GPR158: variants seen among roughly 807,000 people sequenced by gnomAD.
The protein encoded by GPR158 is G protein-coupled receptor 158.
In GPR158, 30 loss-of-function variants were observed where a neutral mutation model predicts 78.2. The observed-to-expected ratio is 0.38, with a 90% CI of 0.29 to 0.52. The LOEUF (loss-of-function observed/expected upper bound fraction) is 0.52, where lower values mean the gene tolerates loss of function less well. GPR158 is among the 20% of genes least tolerant of loss of function. GPR158 has a pLI of 0.83. For synonymous variants in GPR158, 581 were observed against 591.1 expected, an observed-to-expected ratio of 0.98 and a Z score of 0.25; for missense variants, 1,463 against 1,523.5, an observed-to-expected ratio of 0.96 and a Z score of 0.66.
chr10:25,596,845 C>A (rs1401170491), intron 10 of GPR158, 56 bp downstream of exon 10: 1 of 1,521,358 alleles, frequency 6.6e-7, no homozygotes. Context: ...TTTATACAGG[C>A]AGGCGTGTGT....
At chr10:25,256,955 G>A (rs1361753043) in intron 2 of GPR158, among the ~76,000 whole-genome samples, 14 of 152,152 alleles carry the variant, frequency 9.2e-5, no homozygotes, top group African/African-American at 2.9e-4. Context: ...TTCCCTAAAA[G>A]AAAAACATTG....
chr10:25,348,431 A>T (rs1359227354), intron 2 of GPR158, among the ~76,000 whole-genome samples: 3 of 150,998 alleles, frequency 2.0e-5, no homozygotes, highest in African/African-American at 7.3e-5. Context: ...ACACACACAC[A>T]CACACGGAAA....
intron 4 of GPR158, among the ~76,000 whole-genome samples, chr10:25,429,776 T>C (rs1351460931): frequency 2.8e-5 from 4 of 141,296 alleles, no homozygotes; most frequent in Non-Finnish European, 4.6e-5. Context: ...ACTATCTCAA[T>C]AGATGAAGAA....
chr10:25,216,593 C>A (rs1853219008), intron 1 of GPR158, among the ~76,000 whole-genome samples: 1 of 151,944 alleles, frequency 6.6e-6, no homozygotes, highest in Non-Finnish European at 1.5e-5. Context: ...AAGATATAGA[C>A]CATGGAAATT....
chr10:25,341,412 T>A (rs1434163914), intron 2 of GPR158, among the ~76,000 whole-genome samples: 2 of 151,970 alleles, frequency 1.3e-5, no homozygotes, highest in Admixed American at 6.6e-5. Context: ...TTATATTAGA[T>A]TTTGATAAGC....
chr10:25,353,661 A>G (rs768033075), intron 2 of GPR158, among the ~76,000 whole-genome samples: 7 of 152,124 alleles, frequency 4.6e-5, no homozygotes, highest in Non-Finnish European at 1.0e-4. Context: ...AAAAATGTTA[A>G]AACAGTGATT....
chr10:25,445,139 TG>T (rs1273225485), intron 4 of GPR158, among the ~76,000 whole-genome samples: 1 of 152,026 alleles, frequency 6.6e-6, no homozygotes, highest in Admixed American at 6.6e-5. Context: ...CCAGTAAAAA[TG>T]GTAGACATAA....
At chr10:25,553,801 T>C (rs903103188) in intron 6 of GPR158, among the ~76,000 whole-genome samples, 1 of 152,100 alleles carries the variant, frequency 6.6e-6, no homozygotes. Context: ...TCCTGACAAA[T>C]CCAAATTGGA....
chr10:25,601,639 C>G lies in GPR158; in HGVS notation c.*2365C>G, dbSNP rs1837500754. ...CACCAGCATAAATCAGTGAGAGTGC[C>G]TAGAGTCTTTCTGAGAGTTTCATTG... On this transcript the variant is annotated 3_prime_UTR_variant, in exon 11 of 11. Coordinates refer to ENST00000376351, the MANE Select transcript of GPR158 (RefSeq NM_020752.3). The G allele has an allele frequency of 6.6e-6, 1 of 152,512 alleles. No individual in the cohort carries two copies. The allele number at this position is 152,512 out of a possible 1,614,324, so 9.4% of individuals were successfully genotyped here.
At chr10:25,457,224 A>G (rs1430776222) in intron 4 of GPR158, among the ~76,000 whole-genome samples, 1 of 132,838 alleles carries the variant, frequency 7.5e-6, no homozygotes, top group African/African-American at 2.9e-5. Flanking sequence ...TGAACTCCTG[A>G]CCTCAGGTGA....
intron 2 of GPR158, among the ~76,000 whole-genome samples, chr10:25,287,560 G>C (rs543216700): frequency 2.6e-5 from 4 of 152,188 alleles, no homozygotes; most frequent in African/African-American, 7.2e-5. Flanking sequence ...TATGTGGCTC[G>C]TTGTATGTGG....
chr10:25,181,208 T>A (rs1283049266), intron 1 of GPR158, among the ~76,000 whole-genome samples: 1 of 152,192 alleles, frequency 6.6e-6, no homozygotes, highest in East Asian at 1.9e-4. Flanking sequence ...GGTTACAGAT[T>A]AAAAGGTTTT....
In GPR158 at chr10:25,227,106, A is replaced by G. The variant is rs113104848; in HGVS notation, c.1008+5949A>G. ...ATGGTATTTTTTTGAGTTTTCCACT[A>G]TGCTCTCGAGGGTTATTTGGAATAG... On this transcript the variant is annotated intron_variant, in intron 2 of 10. Transcript: ENST00000376351. 9.8e-3 allele frequency among the ~76,000 whole-genome samples: 1,491 copies of G among 152,266 alleles called. 32 individuals are homozygous for G. Among genetic ancestry groups the G allele is most frequent in the African/African-American group, 0.033 (1,383 of 41,556 alleles).
intron 6 of GPR158, among the ~76,000 whole-genome samples, chr10:25,553,233 T>TG (rs1396587990): frequency 6.6e-6 from 1 of 152,218 alleles, no homozygotes; most frequent in Non-Finnish European, 1.5e-5. Flanking sequence ...ATCTTGACAC[T>TG]AGTATGCAAA....
rs1837508899 is a variant in GPR158 at position 25,602,131 on chromosome 10, C to A, written c.*2857C>A. ...TCCTAAAACTATTATCTGAAACCTA[C>A]AGCATCCCACCATGAAATATTTGGT... On this transcript the variant is annotated 3_prime_UTR_variant, in exon 11 of 11. Transcript: ENST00000376351. The A allele has an allele frequency of 6.6e-6, 1 of 152,606 alleles. No homozygotes were observed. The highest frequency in any genetic ancestry group is 6.6e-5 in the Admixed American group (1 of 15,264). The allele number at this position is 152,606 out of a possible 1,614,324, so 9.5% of individuals were successfully genotyped here.
intron 5 of GPR158, among the ~76,000 whole-genome samples, chr10:25,539,119 C>T (rs1016054561): frequency 6.6e-6 from 1 of 152,096 alleles, no homozygotes; most frequent in African/African-American, 2.4e-5. Flanking sequence ...TGTAGTGCTG[C>T]ATCCTGGGTG....
chr10:25,252,799 C>A (rs1853827912), intron 2 of GPR158, among the ~76,000 whole-genome samples: 1 of 152,176 alleles, frequency 6.6e-6, no homozygotes, highest in Admixed American at 6.5e-5. Context: ...GAGGTGGAGG[C>A]TACAGAGGCA....
intron 6 of GPR158, among the ~76,000 whole-genome samples, chr10:25,562,670 G>C (rs1325230962): frequency 6.6e-6 from 1 of 152,144 alleles, no homozygotes; most frequent in Non-Finnish European, 1.5e-5. Flanking sequence ...GAAATTTATT[G>C]AGACTGGTTT....
At chr10:25,439,058 T>C (rs1835034487) in intron 4 of GPR158, among the ~76,000 whole-genome samples, 1 of 152,188 alleles carries the variant, frequency 6.6e-6, no homozygotes. Flanking sequence ...AGGTATGACC[T>C]GGAAGGCCTG....
Sources: gnomAD v4.1 joint callset for allele counts (sites outside exome capture counted in the v4.1 genomes callset) on GRCh38, gnomAD v4.1.1 for gene constraint, MANE v1.5 for transcripts, NCBI Gene and HGNC (gene_info 2026-07-23, HGNC 2026-07-21) for gene names.